The following KRT38 variants were observed in gnomAD, a reference collection of about 807,000 sequenced individuals.
The protein encoded by KRT38 is keratin 38, also known as keratin, type I cuticular Ha8.
Under a neutral mutation model 43.1 loss-of-function variants are expected in KRT38, and 45 were observed. The observed-to-expected ratio is 1.04, with a 90% CI of 0.82 to 1.34. The LOEUF is 1.34. Among genes scored for constraint, KRT38 ranks in the 40% most tolerant of loss-of-function variants. The pLI is 0.00. For synonymous variants in KRT38, 258 were observed against 244.0 expected (o/e 1.06, Z -0.53); for missense variants, 627 against 586.2 (o/e 1.07, Z -0.72).
Position 41,439,311 on chromosome 17 carries a change from A to C in KRT38, c.624T>G (p.Cys208Trp). The C allele has an allele frequency of 6.2e-7, 1 of 1,611,656 alleles. No individual in the cohort carries two copies. Among genetic ancestry groups the C allele is most frequent in the South Asian group, 1.1e-5 (1 of 90,714 alleles). The change falls in exon 3 of 7, where the codon TGT becomes TGG. Residue 208 changes from cysteine (C) to tryptophan (W), a missense_variant. By Grantham distance (215) the Cys-to-Trp change is radical. Coordinates refer to ENST00000246646, the MANE Select transcript of KRT38 (RefSeq NM_006771.4). ...CATCATCCAGGAGCTTCTGTGTCCC[A>C]CACTTGTCTGCCTCCACCAGCTGGC... ...SLRQLVEADKCGTQKLLDDAT... is the reference protein window; with the variant it reads ...SLRQLVEADKWGTQKLLDDAT...
At chr17:41,439,490 G>C in intron 2 of KRT38, 131 bp from the exon 3 acceptor site, 1 of 1,047,630 alleles carries the variant, frequency 9.5e-7, no homozygotes, top group Non-Finnish European at 1.4e-6. Flanking sequence ...GTCCTCAAAG[G>C]TGAATTAGAC....
At position 41,438,230 on chromosome 17, in the gene KRT38, G is replaced by A. The variant is rs1350555072; in HGVS notation, c.1104C>T (p.Asn368=). 9 of 1,614,162 alleles carry A rather than the reference G, an allele frequency of 5.6e-6. No homozygotes were observed. Among genetic ancestry groups the A allele is most frequent in the East Asian group, 2.2e-5 (1 of 44,884 alleles). The change falls in exon 6 of 7, where the codon AAC becomes AAT. Residue 368 remains asparagine, a synonymous_variant. Coordinates refer to ENST00000246646, the MANE Select transcript of KRT38 (RefSeq NM_006771.4). ...GGATCTCAGACAGCTGCTCCTCCAC[G>A]TTGCTGATGAGGCTCTGCATCTGGG... ...ELAQMQSLIS[N]VEEQLSEIRA...
rs564768097 is a variant in KRT38 at position 41,436,373 on chromosome 17, G to GAGGA, written c.*1035_*1038dup. 1 of 152,292 alleles carries GAGGA rather than the reference G, an allele frequency of 6.6e-6. No homozygotes were observed. Among genetic ancestry groups the GAGGA allele is most frequent in the Non-Finnish European group, 1.5e-5 (1 of 68,130 alleles). The allele number at this position is 152,292 out of a possible 1,614,324, so 9.4% of individuals were successfully genotyped here. A position where few individuals can be genotyped will look rare whatever the true frequency, so the allele number is the denominator to read the frequency against. On this transcript the variant is annotated 3_prime_UTR_variant, in exon 7 of 7. Coordinates refer to ENST00000246646, the MANE Select transcript of KRT38 (RefSeq NM_006771.4). ...GCTGGTGGCCAAGCAGGAGCTCTCA[G>GAGGA]AGGAAGGAACATTTCCGCTGACCTG...
At position 41,438,629 on chromosome 17, in the gene KRT38, G is replaced by A. The variant is rs1182963320; in HGVS notation, c.895-13C>T. The A allele has an allele frequency of 8.1e-6, 13 of 1,613,962 alleles. No individual in the cohort carries two copies. Among genetic ancestry groups the A allele is most frequent in the African/African-American group, 1.3e-5 (1 of 74,898 alleles). ...TGATGCCTTCAGACTGGAGCACAGA[G>A]AGACACGGTCACCTCCCTGCCCAGA... On this transcript the variant is annotated splice_polypyrimidine_tract_variant and intron_variant, in intron 4 of 6. Transcript: ENST00000246646.
chr17:41,438,708 ACCACTGTT>A lies in KRT38; in HGVS notation c.875_882del (p.Glu292ValfsTer6). On this transcript the variant is annotated frameshift_variant, in exon 4 of 7. Transcript: ENST00000246646. LOFTEE classifies it high-confidence loss of function. ...CCCCCCCCACTCACCTGGGCTTGGAACCACTGTTCCACATCCTGGCGGTTGGTCTCCAA... is the reference window on the plus strand; with the variant it reads ...CCCCCCCCACTCACCTGGGCTTGGAACCACATCCTGGCGGTTGGTCTCCAA... The A allele has an allele frequency of 6.2e-7, 1 of 1,613,472 alleles. No individual in the cohort carries two copies. The highest frequency in any genetic ancestry group is 1.3e-5 in the African/African-American group (1 of 74,794).
rs567883650 is a variant in KRT38, at chr17:41,438,475, A to G, written c.1020+16T>C. The G allele has an allele frequency of 6.3e-5, 101 of 1,614,070 alleles. No homozygotes were observed. The South Asian group carries it at 7.6e-4, about 12-fold the overall frequency. ...CACGGGGCATTTGCAGTGCAGTGAGAGTGAAGGACACGTACCAAGGTGTGC... is the reference window on the plus strand; with the variant it reads ...CACGGGGCATTTGCAGTGCAGTGAGGGTGAAGGACACGTACCAAGGTGTGC... On this transcript the variant is annotated intron_variant, in intron 5 of 6. Transcript: ENST00000246646.
At chr17:41,438,050 T>C in intron 6 of KRT38, 43 bp downstream of exon 6, 4 of 1,596,500 alleles carry the variant, frequency 2.5e-6, no homozygotes, top group South Asian at 1.1e-5. Context: ...CTCATCAGAA[T>C]TGAGTAAATA....
At position 41,438,137 on chromosome 17, in the gene KRT38, A is replaced by G. The variant is rs140339770; in HGVS notation, c.1197T>C (p.Asn399=). The stretch of plus-strand genomic sequence containing the variant: ...GAAGGTTCCGGTACGTGGCAATCTC[A>G]TTCTCCAGCCGGGTCTTCACGTCCA... ...VLLDVKTRLE[N]EIATYRNLLE... is the part of the protein sequence containing the mutation. The change falls in exon 6 of 7, where the codon AAT becomes AAC. Residue 399 remains asparagine (N), a synonymous_variant. Transcript: ENST00000246646. 1.9e-4 allele frequency: 305 copies of G among 1,614,132 alleles called. No individual in the cohort carries two copies. The African/African-American group carries it at 3.9e-3, about 20-fold the overall frequency.
At chr17:41,438,647 T>C in intron 4 of KRT38, 31 bp from the exon 5 acceptor site, 9 of 1,612,424 alleles carry the variant, frequency 5.6e-6, no homozygotes, top group Non-Finnish European at 6.8e-6. Context: ...GTCACCTCCC[T>C]GCCCAGATGG....
Position 41,437,124 on chromosome 17 carries a change from C to T in KRT38, c.*288G>A, listed in dbSNP as rs888654332. ...AGTGCAAGTGCAATTTTAAATCATG[C>T]CGTGTTCCTACTCCAAAATGCTTTT... On this transcript the variant is annotated 3_prime_UTR_variant, in exon 7 of 7. Transcript: ENST00000246646. The T allele has an allele frequency of 1.3e-5, 4 of 311,698 alleles. No homozygotes were observed. The highest frequency in any genetic ancestry group is 4.3e-5 in the African/African-American group (2 of 46,828). The allele number at this position is 311,698 out of a possible 1,614,324, so 19.3% of individuals were successfully genotyped here.
Position 41,437,403 on chromosome 17 carries a change from C to T in KRT38, c.*9G>A. 4 of 1,556,428 alleles carry T rather than the reference C, an allele frequency of 2.6e-6. No homozygotes were observed. Among genetic ancestry groups the T allele is most frequent in the Non-Finnish European group, 3.5e-6 (4 of 1,156,538 alleles). ...TCGCCTTAGCCAGCCCCTGTGGGTCCACAGGAATTCAGAATCGGCTTCCGG... is the reference window on the plus strand; with the variant it reads ...TCGCCTTAGCCAGCCCCTGTGGGTCTACAGGAATTCAGAATCGGCTTCCGG... On this transcript the variant is annotated 3_prime_UTR_variant, in exon 7 of 7. Coordinates refer to ENST00000246646, the MANE Select transcript of KRT38 (RefSeq NM_006771.4).
chr17:41,440,383 C>T, intron 1 of KRT38, 47 bp downstream of exon 1: 1 of 1,601,980 alleles, frequency 6.2e-7, no homozygotes, highest in South Asian at 1.1e-5. Context: ...TCCTGTCTTG[C>T]CTCTGCCATC....
intron 1 of KRT38, 30 bp downstream of exon 1, chr17:41,440,400 C>T (rs1300979209): frequency 3.1e-6 from 5 of 1,606,382 alleles, no homozygotes; most frequent in Non-Finnish European, 4.3e-6. Context: ...CATCTCAGAC[C>T]CAGCACACCC....
chr17:41,439,916 G>A (rs1416212606), intron 2 of KRT38, among the ~76,000 whole-genome samples: 2 of 152,182 alleles, frequency 1.3e-5, no homozygotes, highest in Admixed American at 1.3e-4. Context: ...TTTGCTCCTG[G>A]TTAATGAACT....
intron 6 of KRT38, 21 bp from the exon 7 acceptor site, chr17:41,437,562 G>A (rs1189848129): frequency 5.8e-6 from 9 of 1,550,652 alleles, no homozygotes; most frequent in African/African-American, 5.6e-5. Context: ...ACAAGGTGAG[G>A]GAAGTGAGAG....
rs1354521114 is a variant in KRT38 at position 41,440,588 on chromosome 17, T to C, written c.334A>G (p.Asn112Asp). Reference protein sequence around the residue: ...GHEKETMQFLNDRLANYLEKV... With the variant: ...GHEKETMQFLDDRLANYLEKV... ...TCCAGGTAGTTGGCCAGGCGGTCATTCAGGAACTGCATGGTCTCCTTCTCA... is the reference window on the plus strand; with the variant it reads ...TCCAGGTAGTTGGCCAGGCGGTCATCCAGGAACTGCATGGTCTCCTTCTCA... The change falls in exon 1 of 7, where the codon AAT becomes GAT. Residue 112 changes from asparagine to aspartate, a missense_variant. Physicochemically the swap from Asn to Asp is conservative, Grantham distance 23 (BLOSUM62 1). Coordinates refer to ENST00000246646, the MANE Select transcript of KRT38 (RefSeq NM_006771.4). 22 of 1,614,070 alleles carry C rather than the reference T, an allele frequency of 1.4e-5. No individual in the cohort carries two copies. Among genetic ancestry groups the C allele is most frequent in the Non-Finnish European group, 1.5e-5 (18 of 1,180,052 alleles).
chr17:41,440,103 G>T, intron 2 of KRT38, 58 bp downstream of exon 2: 1 of 1,316,180 alleles, frequency 7.6e-7, no homozygotes, highest in Non-Finnish European at 1.1e-6. Context: ...ACAAGTATTT[G>T]GGCATTGGGA....
intron 5 of KRT38, 85 bp downstream of exon 5, chr17:41,438,406 C>T: frequency 6.2e-7 from 1 of 1,607,664 alleles, no homozygotes; most frequent in Non-Finnish European, 8.5e-7. Flanking sequence ...GTGGGAGAAA[C>T]TTGGGTAGTG....
At position 41,437,279 on chromosome 17, in the gene KRT38, G is replaced by T; in HGVS notation, c.*133C>A. ...GAAGGATTTCCATCAAGATTCCACT[G>T]TCCCTGGTATCTCATAGCCTTTGGA... is the stretch of plus-strand genomic sequence containing the variant. On this transcript the variant is annotated 3_prime_UTR_variant, in exon 7 of 7. Transcript: ENST00000246646. 2.2e-6 allele frequency: 2 copies of T among 905,820 alleles called. No homozygotes were observed. The highest frequency in any genetic ancestry group is 1.5e-6 in the Non-Finnish European group (1 of 664,906). The allele number at this position is 905,820 out of a possible 1,614,324, so 56.1% of individuals were successfully genotyped here.
Sources: allele counts gnomAD v4.1 joint callset (sites outside exome capture counted in the v4.1 genomes callset), GRCh38; gene constraint gnomAD v4.1.1; transcripts MANE v1.5; gene names NCBI Gene and HGNC (gene_info 2026-07-23, HGNC 2026-07-21).